Variants in HHIPL1 observed in about 807,000 individuals in gnomAD.
The protein encoded by HHIPL1 is HHIP like 1, also known as HHIP-like protein 1.
HHIPL1 carries 43 observed loss-of-function variants against 61.8 expected under a neutral mutation model. The ratio of observed to expected loss-of-function variants is 0.70; its 90% confidence interval spans 0.55 to 0.90. The LOEUF is 0.90. Among genes scored for constraint, HHIPL1 ranks in the 40% least tolerant of loss-of-function variants. The pLI, the probability that HHIPL1 is intolerant of heterozygous loss-of-function variation, is 0.00. For missense variants in HHIPL1, 1,056 were observed against 1,157.7 expected, an observed-to-expected ratio of 0.91 and a Z score of 1.28; for synonymous variants, 482 against 515.8, an observed-to-expected ratio of 0.93 and a Z score of 0.89.
chr14:99,606,570 G>A, the HHIPL1 span, among the ~76,000 whole-genome samples: 1,696 of 152,326 alleles, frequency 0.011, 32 homozygotes, highest in African/African-American at 0.034. Context: ...CCTGGGGCCT[G>A]TTATCTCTGC....
At position 99,652,536 on chromosome 14, in the gene HHIPL1, GC is replaced by G. The variant is rs1430952367; in HGVS notation, c.570del (p.Asn191ThrfsTer43). 1.9e-6 allele frequency: 3 copies of G among 1,613,158 alleles called. 1 individual carries two copies. In the South Asian group the frequency reaches 3.3e-5, roughly 18 times the overall value. ...CCTGCAGCTGTGCCTGGAGGAGGTGGCCAACGGGCTGCGCAACCCCGTGGCC... is the reference window on the plus strand; with the variant it reads ...CCTGCAGCTGTGCCTGGAGGAGGTGGCAACGGGCTGCGCAACCCCGTGGCC... ...GCLQLCLEEVANGLRNPVAMV... is the reference protein window; with the variant it reads ...GCLQLCLEEVXNGLRNPVAMV... On this transcript the variant is annotated frameshift_variant, in exon 2 of 9. Coordinates refer to ENST00000330710, the MANE Select transcript of HHIPL1 (RefSeq NM_001127258.3). LOFTEE classifies it high-confidence loss of function.
chr14:99,607,874 A>G, the HHIPL1 span, among the ~76,000 whole-genome samples: 1 of 152,172 alleles, frequency 6.6e-6, no homozygotes, highest in South Asian at 2.1e-4. Flanking sequence ...ACATAGAGGA[A>G]ATCTATGAGT....
At position 99,672,445 on chromosome 14, in the gene HHIPL1, G is replaced by A. The variant is rs187678966; in HGVS notation, c.1813+46G>A. Reference sequence around the variant, plus strand: ...CACTGAGGGTTGGGGGAGAGATCCCGCAGCCCACAACGGCTGCCTTTCCAG... The same window carrying A: ...CACTGAGGGTTGGGGGAGAGATCCCACAGCCCACAACGGCTGCCTTTCCAG... On this transcript the variant is annotated intron_variant, in intron 8 of 8. Transcript: ENST00000330710. 543 of 1,474,590 alleles carry A rather than the reference G, an allele frequency of 3.7e-4. 12 individuals carry two copies. The East Asian group carries it at 0.01, about 28-fold the overall frequency. The allele number at this position is 1,474,590 out of a possible 1,614,324, so 91.3% of individuals were successfully genotyped here. A position where few individuals can be genotyped will look rare whatever the true frequency, so the allele number is the denominator to read the frequency against.
chr14:99,622,942 C>T, the HHIPL1 span, among the ~76,000 whole-genome samples: 1 of 152,230 alleles, frequency 6.6e-6, no homozygotes, highest in South Asian at 2.1e-4. Flanking sequence ...ATTTCAGAGC[C>T]TACCTGGGAG....
In HHIPL1 at chr14:99,659,442, G is replaced by A; in HGVS notation, c.1061G>A (p.Gly354Asp). 1 of 1,477,776 alleles carries A rather than the reference G, an allele frequency of 6.8e-7. No homozygotes were observed. Among genetic ancestry groups the A allele is most frequent in the Non-Finnish European group, 9.0e-7 (1 of 1,115,810 alleles). The allele number at this position is 1,477,776 out of a possible 1,614,324, so 91.5% of individuals were successfully genotyped here. A position where few individuals can be genotyped will look rare whatever the true frequency, so the allele number is the denominator to read the frequency against. The change falls in exon 4 of 9, where the codon GGC (glycine) becomes GAC (aspartate). Residue 354 changes from glycine (G) to aspartate (D), a missense_variant. Physicochemically the swap from Gly to Asp is moderately conservative, Grantham distance 94. Coordinates refer to ENST00000330710, the MANE Select transcript of HHIPL1 (RefSeq NM_001127258.3). ...GNAQNKSALL[G>D]KVLRIDVDRK... ...CCCGCCCGCAGGTCGGCGCTGCTGG[G>A]CAAGGTGCTGCGCATCGACGTGGAC...
intron 7 of HHIPL1, among the ~76,000 whole-genome samples, chr14:99,670,430 G>A (rs1374369015): frequency 6.6e-6 from 1 of 152,150 alleles, no homozygotes; most frequent in East Asian, 1.9e-4. Flanking sequence ...CTTTTTCAAA[G>A]GATGTTTCTA....
chr14:99,657,926 TACATAC>T (rs1432526324), intron 3 of HHIPL1, among the ~76,000 whole-genome samples: 2 of 146,376 alleles, frequency 1.4e-5, no homozygotes, highest in South Asian at 4.2e-4. Context: ...CATACACACA[TACATAC>T]ACATACACAC....
the HHIPL1 span, among the ~76,000 whole-genome samples, chr14:99,619,716 G>GC: frequency 2.3e-5 from 2 of 86,322 alleles, no homozygotes; most frequent in Admixed American, 1.3e-4. Flanking sequence ...AAGCCCCCCC[G>GC]CCCCCCATCC....
chr14:99,611,950 G>T, the HHIPL1 span, among the ~76,000 whole-genome samples: 1 of 152,160 alleles, frequency 6.6e-6, no homozygotes, highest in Non-Finnish European at 1.5e-5. Flanking sequence ...GATGTGCCTT[G>T]CCCATCCTCG....
chr14:99,650,479 A>G (rs2055909868), intron 1 of HHIPL1, among the ~76,000 whole-genome samples: 2 of 152,220 alleles, frequency 1.3e-5, no homozygotes, highest in Admixed American at 1.3e-4. Context: ...GCCCGCAGAC[A>G]GCCTGGAGCT....
At chr14:99,647,617 G>A (rs909909572) in intron 1 of HHIPL1, among the ~76,000 whole-genome samples, 1 of 152,230 alleles carries the variant, frequency 6.6e-6, no homozygotes, top group Non-Finnish European at 1.5e-5. Context: ...AGTGAGCTTA[G>A]AGACGGCGGC....
the HHIPL1 span, among the ~76,000 whole-genome samples, chr14:99,608,868 G>A: frequency 6.6e-6 from 1 of 152,212 alleles, no homozygotes; most frequent in Non-Finnish European, 1.5e-5. Flanking sequence ...GCTAGCAAGT[G>A]GCTGAACCAG....
the HHIPL1 span, among the ~76,000 whole-genome samples, chr14:99,605,320 C>G: frequency 3.5e-5 from 5 of 142,484 alleles, no homozygotes; most frequent in Non-Finnish European, 7.5e-5. Context: ...AAGTCTGTCT[C>G]GTTATCCTCC....
chr14:99,634,652 C>A, the HHIPL1 span, among the ~76,000 whole-genome samples: 1 of 152,270 alleles, frequency 6.6e-6, no homozygotes, highest in East Asian at 1.9e-4. Context: ...CTGGGCCACA[C>A]GGTTGTGGTG....
At position 99,675,358 on chromosome 14, in the gene HHIPL1, G is replaced by A; in HGVS notation, c.2081G>A (p.Gly694Glu). ...GSGRVEVFVG[G>E]RWGTVCDDSW... ...GGGCGCGTGGAGGTGTTCGTGGGCGGACGCTGGGGCACCGTGTGCGACGAC... is the reference window on the plus strand; with the variant it reads ...GGGCGCGTGGAGGTGTTCGTGGGCGAACGCTGGGGCACCGTGTGCGACGAC... Residue 694 changes from glycine to glutamate, a missense_variant, in exon 9 of 9, where the codon GGA (glycine) becomes GAA (glutamate). Physicochemically the swap from Gly to Glu is moderately conservative, Grantham distance 98. Coordinates refer to ENST00000330710, the MANE Select transcript of HHIPL1 (RefSeq NM_001127258.3). The surrounding 1 kb of genome is among the most constrained non-coding windows in gnomAD (Gnocchi z 5.4). 1 of 1,489,012 alleles carries A rather than the reference G, an allele frequency of 6.7e-7. No individual in the cohort carries two copies. Among genetic ancestry groups the A allele is most frequent in the South Asian group, 1.3e-5 (1 of 78,052 alleles). 92.2% of individuals were successfully genotyped at this position (1,489,012 alleles called of 1,614,324 possible). A position where few individuals can be genotyped will look rare whatever the true frequency, so the allele number is the denominator to read the frequency against.
Position 99,652,451 on chromosome 14 carries a change from G to A in HHIPL1, c.483G>A (p.Leu161=), listed in dbSNP as rs1177632200. 1.2e-6 allele frequency: 2 copies of A among 1,613,984 alleles called. No homozygotes were observed. Among genetic ancestry groups the A allele is most frequent in the East Asian group, 2.2e-5 (1 of 44,884 alleles). Reference sequence around the variant, plus strand: ...ACACGGACTACTGCTTCCCTTACCTGCTGGTCAACAAGAACCTCAACTCAA... The same window carrying A: ...ACACGGACTACTGCTTCCCTTACCTACTGGTCAACAAGAACCTCAACTCAA... ...LDDTDYCFPY[L]LVNKNLNSNL... Residue 161 remains leucine, a synonymous_variant, in exon 2 of 9, where the codon CTG becomes CTA. Transcript: ENST00000330710.
the HHIPL1 span, chr14:99,624,847 C>G: frequency 6.6e-6 from 1 of 152,280 alleles, no homozygotes; most frequent in Non-Finnish European, 1.5e-5. Flanking sequence ...AGGCCGGAAG[C>G]AAGCCCTTGC....
the HHIPL1 span, among the ~76,000 whole-genome samples, chr14:99,608,458 C>T: frequency 6.6e-6 from 1 of 152,166 alleles, no homozygotes; most frequent in Admixed American, 6.5e-5. Context: ...TGGTTGTTTG[C>T]CTCCAAGAAG....
Position 99,679,844 on chromosome 14 carries a change from A to G in HHIPL1, c.*4218A>G, listed in dbSNP as rs2056423613. 1 of 152,256 alleles carries G rather than the reference A, an allele frequency of 6.6e-6. No homozygotes were observed. Among genetic ancestry groups the G allele is most frequent in the East Asian group, 1.9e-4 (1 of 5,196 alleles). The allele number at this position is 152,256 out of a possible 1,614,324, so 9.4% of individuals were successfully genotyped here. The stretch of plus-strand genomic sequence containing the variant: ...TGCCACGTGAAGGACCAGCATCAGA[A>G]TGACATGGGAAGAAACTCTCACAAT... On this transcript the variant is annotated 3_prime_UTR_variant, in exon 9 of 9. Coordinates refer to ENST00000330710, the MANE Select transcript of HHIPL1 (RefSeq NM_001127258.3).
Sources: gnomAD v4.1 joint callset for allele counts (sites outside exome capture counted in the v4.1 genomes callset) on GRCh38, gnomAD v4.1.1 for gene constraint, Gnocchi (gnomAD v3.1) non-coding constraint, MANE v1.5 for transcripts, NCBI Gene and HGNC (gene_info 2026-07-23, HGNC 2026-07-21) for gene names.